Variants in PCNT observed in about 807,000 individuals in gnomAD.
PCNT encodes kendrin.
Under a neutral mutation model 380.4 loss-of-function variants are expected in PCNT, and 319 were observed. That is an observed-to-expected ratio of 0.84 (90% CI 0.77 to 0.92). The LOEUF is 0.92. Ranked by LOEUF, PCNT falls within the 40% of genes least tolerant of loss-of-function variation. PCNT has a pLI of 0.00. For missense variants in PCNT, 4,400 were observed against 4,255.3 expected, an observed-to-expected ratio of 1.03 and a Z score of -0.95; for synonymous variants, 1,845 against 1,735.2, an observed-to-expected ratio of 1.06 and a Z score of -1.57.
Position 46,388,255 on chromosome 21 carries a change from G to A in PCNT, c.3465-487G>A, listed in dbSNP as rs976216428. Among the ~76,000 whole-genome samples the A allele has an allele frequency of 6.6e-5, 10 of 151,816 alleles. No homozygotes were observed. Among genetic ancestry groups the A allele is most frequent in the African/African-American group, 2.4e-4 (10 of 41,362 alleles). ...GCATCCCAGACCGCACGTCCACGAG[G>A]CCTAGCGAGAGGCTGGGAGACACCA... On this transcript the variant is annotated intron_variant, in intron 17 of 46. Coordinates refer to ENST00000359568, the MANE Select transcript of PCNT (RefSeq NM_006031.6). The surrounding 1 kb of genome is among the most constrained non-coding windows in gnomAD (Gnocchi z 4.2).
chr21:46,389,573 T>A (rs1018494786), intron 19 of PCNT, 142 bp downstream of exon 19: 2 of 653,772 alleles, frequency 3.1e-6, no homozygotes, highest in Non-Finnish European at 5.3e-6. Flanking sequence ...ACCAGATCTT[T>A]GAGGAAGTGG....
At chr21:46,378,393 G>C (rs1205313802) in intron 15 of PCNT, among the ~76,000 whole-genome samples, 1 of 152,152 alleles carries the variant, frequency 6.6e-6, no homozygotes, top group African/African-American at 2.4e-5. Flanking sequence ...CAATTGAACG[G>C]CCTCTCTTGC....
intron 7 of PCNT, 121 bp from the exon 8 acceptor site, chr21:46,349,563 C>T (rs926034864): frequency 6.5e-6 from 7 of 1,070,520 alleles, no homozygotes; most frequent in African/African-American, 6.2e-5. Flanking sequence ...ACGAGGGGCC[C>T]GGGGGCGCCC....
At chr21:46,381,296 A>G (rs1386947239) in intron 15 of PCNT, among the ~76,000 whole-genome samples, 2 of 150,948 alleles carry the variant, frequency 1.3e-5, no homozygotes, top group East Asian at 3.9e-4. Flanking sequence ...ATTTAGAAAG[A>G]AGGTTTAATC....
Position 46,416,032 on chromosome 21 carries a change from G to C in PCNT, c.6151-37G>C. On this transcript the variant is annotated intron_variant, in intron 29 of 46. Coordinates refer to ENST00000359568, the MANE Select transcript of PCNT (RefSeq NM_006031.6). ...GACAGGTGCGACTCCTGGTGAGCCA[G>C]GTATTCCACCGTGCACCTGTTCTGT... 5 of 1,611,130 alleles carry C rather than the reference G, an allele frequency of 3.1e-6. No individual in the cohort carries two copies. The African/African-American group carries it at 5.3e-5, about 17-fold the overall frequency.
rs1249913938 is a variant in PCNT, at chr21:46,347,473, G to A, written c.993G>A (p.Lys331=). 2 of 1,608,424 alleles carry A rather than the reference G, an allele frequency of 1.2e-6. No homozygotes were observed. Among genetic ancestry groups the A allele is most frequent in the Non-Finnish European group, 1.7e-6 (2 of 1,177,226 alleles). The change falls in exon 6 of 47, where the codon AAG becomes AAA. Residue 331 remains lysine, a synonymous_variant. Coordinates refer to ENST00000359568, the MANE Select transcript of PCNT (RefSeq NM_006031.6). The part of the protein sequence containing the change: ...CGQEAAELKE[K]LQSEMEKNAQ... Reference sequence around the variant, plus strand: ...TTCTTGCAGCTGAGCTGAAGGAGAAGTTACAATCAGAAATGGAGAAAAACG... The same window carrying A: ...TTCTTGCAGCTGAGCTGAAGGAGAAATTACAATCAGAAATGGAGAAAAACG...
At chr21:46,439,530 C>G (rs1266180477) in intron 41 of PCNT, among the ~76,000 whole-genome samples, 1 of 152,220 alleles carries the variant, frequency 6.6e-6, no homozygotes, top group Non-Finnish European at 1.5e-5. Flanking sequence ...TCTAAGATCA[C>G]TTGCAGCACC....
At position 46,390,727 on chromosome 21, in the gene PCNT, G is replaced by A; in HGVS notation, c.3898G>A (p.Glu1300Lys). 1.2e-6 allele frequency: 2 copies of A among 1,613,940 alleles called. No individual in the cohort carries two copies. The highest frequency in any genetic ancestry group is 4.5e-5 in the East Asian group (2 of 44,886). The change falls in exon 20 of 47, where the codon GAG (glutamate) becomes AAG (lysine). Residue 1300 changes from glutamate (E) to lysine (K), a missense_variant. Transcript: ENST00000359568. Reference protein sequence around the residue: ...RFEKEFSFKNEETAQVVRKHQ... With the variant: ...RFEKEFSFKNKETAQVVRKHQ... ...TGAAAAAGAATTTAGTTTTAAGAATGAGGAGACAGCACAGGTTGTCAGGAA... is the reference window on the plus strand; with the variant it reads ...TGAAAAAGAATTTAGTTTTAAGAATAAGGAGACAGCACAGGTTGTCAGGAA...
intron 3 of PCNT, among the ~76,000 whole-genome samples, chr21:46,341,819 C>T (rs2146474721): frequency 6.6e-6 from 1 of 152,068 alleles, no homozygotes; most frequent in Non-Finnish European, 1.5e-5. Flanking sequence ...GCTGGGAACA[C>T]AGGCATGCAC....
intron 27 of PCNT, among the ~76,000 whole-genome samples, chr21:46,403,678 G>C (rs561588501): frequency 6.8e-6 from 1 of 146,208 alleles, no homozygotes; most frequent in African/African-American, 2.6e-5. Flanking sequence ...AGAATCGTGT[G>C]TGTGTGGTGC....
Position 46,366,584 on chromosome 21 carries a change from G to GT in PCNT, c.2615dup (p.Leu872PhefsTer5), listed in dbSNP as rs2084937877. The GT allele has an allele frequency of 6.2e-7, 1 of 1,613,652 alleles. No individual in the cohort carries two copies. The highest frequency in any genetic ancestry group is 8.5e-7 in the Non-Finnish European group (1 of 1,179,698). Reference sequence around the variant, plus strand: ...TCCTGTGTTCACTTTGTTGCCGCAGGTTTTTAGAGGAACGTAAAGAGATCA... The same window carrying GT: ...TCCTGTGTTCACTTTGTTGCCGCAGGTTTTTTAGAGGAACGTAAAGAGATCA... On this transcript the variant is annotated frameshift_variant and splice_region_variant, in exon 15 of 47. Transcript: ENST00000359568. LOFTEE classifies it high-confidence loss of function.
intron 21 of PCNT, among the ~76,000 whole-genome samples, chr21:46,395,098 T>C (rs990163410): frequency 5.9e-5 from 9 of 152,246 alleles, no homozygotes; most frequent in Non-Finnish European, 1.3e-4. Flanking sequence ...TTGTGAATGT[T>C]ACCGCAGCAG....
intron 11 of PCNT, among the ~76,000 whole-genome samples, chr21:46,354,988 G>A (rs1399025819): frequency 1.3e-5 from 2 of 152,226 alleles, no homozygotes; most frequent in African/African-American, 4.8e-5. Context: ...AGGCATTCGT[G>A]TATCACCTGA....
At position 46,430,654 on chromosome 21, in the gene PCNT, G is replaced by A. The variant is rs1170695289; in HGVS notation, c.8061G>A (p.Leu2687=). ...GGGAGAGCCAGAGTGCCAAGGCCCTGGAGGTAACAGGGTGTCAGGGCAAGG... is the reference window on the plus strand; with the variant it reads ...GGGAGAGCCAGAGTGCCAAGGCCCTAGAGGTAACAGGGTGTCAGGGCAAGG... ...LQRESQSAKA[L]EELRASLETQ... The change falls in exon 37 of 47, where the codon CTG becomes CTA. Residue 2687 remains leucine (L), a synonymous_variant. Coordinates refer to ENST00000359568, the MANE Select transcript of PCNT (RefSeq NM_006031.6). The A allele has an allele frequency of 6.4e-7, 1 of 1,568,926 alleles. No individual in the cohort carries two copies. The highest frequency in any genetic ancestry group is 2.3e-5 in the East Asian group (1 of 42,730).
intron 14 of PCNT, among the ~76,000 whole-genome samples, chr21:46,365,106 G>A (rs1490144525): frequency 2.0e-5 from 3 of 152,062 alleles, no homozygotes; most frequent in Non-Finnish European, 2.9e-5. Flanking sequence ...TCACTGCCAC[G>A]GGGTTCTATT....
Position 46,353,117 on chromosome 21 carries a change from A to G in PCNT, c.1470A>G (p.Gln490=), listed in dbSNP as rs1601812926. 6.2e-7 allele frequency: 1 copy of G among 1,613,558 alleles called. No homozygotes were observed. Among genetic ancestry groups the G allele is most frequent in the South Asian group, 1.1e-5 (1 of 91,046 alleles). The change falls in exon 10 of 47, where the codon CAA becomes CAG. Residue 490 remains glutamine, a synonymous_variant. Transcript: ENST00000359568. ...GTTATGTTGCAGAGCTACATGAGCA[A>G]CTCCTGGCGCGCACCTCTCGTGTGG... is the stretch of plus-strand genomic sequence containing the variant. ...SRQELSELHE[Q]LLARTSRVED... is the part of the protein sequence containing the mutation.
At chr21:46,368,304 TG>T (rs2084999648) in intron 15 of PCNT, among the ~76,000 whole-genome samples, 2 of 151,950 alleles carry the variant, frequency 1.3e-5, no homozygotes, top group Admixed American at 1.3e-4. Context: ...AAAAATTAGC[TG>T]GGGGTGGTGG....
intron 2 of PCNT, 41 bp from the exon 3 acceptor site, chr21:46,334,356 A>T (rs1481841812): frequency 6.2e-7 from 1 of 1,613,722 alleles, no homozygotes; most frequent in South Asian, 1.1e-5. Flanking sequence ...GCAGCCCTAG[A>T]CCTTGCTTTA....
Position 46,363,769 on chromosome 21 carries a change from C to T in PCNT, c.2444C>T (p.Thr815Met), listed in dbSNP as rs201895762. 2.8e-5 allele frequency: 46 copies of T among 1,614,056 alleles called. No homozygotes were observed. Among genetic ancestry groups the T allele is most frequent in the South Asian group, 1.8e-4 (16 of 91,088 alleles). ...ATCCTGGATCTGGAGAGGTCCTTGA[C>T]GGAGCAGCAGGGCCGCCTGCAGCAG... ...AQILDLERSL[T>M]EQQGRLQQLE... The change falls in exon 14 of 47, where the codon ACG becomes ATG. Residue 815 changes from threonine to methionine, a missense_variant. Physicochemically the swap from Thr to Met is moderately conservative, Grantham distance 81. Coordinates refer to ENST00000359568, the MANE Select transcript of PCNT (RefSeq NM_006031.6).
Sources: gnomAD v4.1 joint callset for allele counts (sites outside exome capture counted in the v4.1 genomes callset) on GRCh38, gnomAD v4.1.1 for gene constraint, Gnocchi (gnomAD v3.1) non-coding constraint, MANE v1.5 for transcripts, NCBI Gene and HGNC (gene_info 2026-07-23, HGNC 2026-07-21) for gene names.